ITPR1: variants seen among roughly 807,000 people sequenced by gnomAD.
ITPR1 encodes the protein inositol 1,4,5-trisphosphate receptor type 1, also known as inositol 1,4,5-trisphosphate-gated calcium channel ITPR1.
In ITPR1, 96 loss-of-function variants were observed where a neutral mutation model predicts 318.4. The observed-to-expected ratio is 0.30, with a 90% CI of 0.26 to 0.36. The LOEUF is 0.36. Among genes scored for constraint, ITPR1 ranks in the 10% least tolerant of loss-of-function variants. ITPR1 has a pLI of 1.00. For missense variants in ITPR1, 2,440 were observed against 3,460.2 expected (o/e 0.71, Z 7.40); for synonymous variants, 1,312 against 1,289.9 (o/e 1.02, Z -0.37).
Position 4,808,894 on chromosome 3 carries a change from G to C in ITPR1, c.7273-2371G>C, listed in dbSNP as rs114054563. ...CCACAAAGACTGGCCGGACCTGGTC[G>C]TGAGCCTGCATTAAAGCTGTGTCCT... On this transcript the variant is annotated intron_variant, in intron 55 of 61. Transcript: ENST00000649015. Among the ~76,000 whole-genome samples, 1,458 of 152,240 alleles carry C rather than the reference G, an allele frequency of 9.6e-3. 14 individuals carry two copies. The highest frequency in any genetic ancestry group is 0.015 in the Non-Finnish European group (1,035 of 68,010).
chr3:4,550,108 T>C (rs992204475), intron 4 of ITPR1, among the ~76,000 whole-genome samples: 3 of 152,168 alleles, frequency 2.0e-5, no homozygotes, highest in African/African-American at 7.2e-5. Flanking sequence ...TCCCCTGTCA[T>C]TATTAGCAAG....
chr3:4,668,850 G>A (rs1222480107), intron 18 of ITPR1, among the ~76,000 whole-genome samples: 1 of 152,212 alleles, frequency 6.6e-6, no homozygotes, highest in Non-Finnish European at 1.5e-5. Context: ...AAGTTCAGTT[G>A]TTGGTTGAGC....
chr3:4,688,464 T>G, intron 30 of ITPR1, 31 bp from the exon 31 acceptor site: 3 of 1,610,782 alleles, frequency 1.9e-6, no homozygotes, highest in Non-Finnish European at 2.5e-6. Context: ...GGCCCAGCAA[T>G]CAGTGCTTTC....
At chr3:4,740,511 C>T (rs1374640843) in intron 44 of ITPR1, among the ~76,000 whole-genome samples, 4 of 152,184 alleles carry the variant, frequency 2.6e-5, no homozygotes, top group Non-Finnish European at 4.4e-5. Context: ...TAGGCACTCT[C>T]ATGGAGGGTT....
At chr3:4,759,203 CA>C (rs1171523647) in intron 44 of ITPR1, among the ~76,000 whole-genome samples, 18 of 152,372 alleles carry the variant, frequency 1.2e-4, no homozygotes, top group African/African-American at 2.2e-4. Context: ...TCGTCATAAC[CA>C]CGCTCCATGG....
At chr3:4,653,810 G>T in intron 11 of ITPR1, 32 bp from the exon 12 acceptor site, 1 of 1,569,054 alleles carries the variant, frequency 6.4e-7, no homozygotes, top group Non-Finnish European at 8.7e-7. Context: ...AGCAATGGAT[G>T]TTTTAATTTC....
intron 42 of ITPR1, among the ~76,000 whole-genome samples, chr3:4,731,732 T>C (rs922945994): frequency 6.6e-6 from 1 of 152,208 alleles, no homozygotes; most frequent in Non-Finnish European, 1.5e-5. Context: ...TCTCCTTTCC[T>C]CCTTGGTCCC....
At chr3:4,709,172 G>A (rs1315179183) in intron 37 of ITPR1, among the ~76,000 whole-genome samples, 1 of 152,184 alleles carries the variant, frequency 6.6e-6, no homozygotes, top group Non-Finnish European at 1.5e-5. Context: ...AAGAGCCTCA[G>A]AATTTTGCAG....
chr3:4,819,152 T>G (rs1009503221), intron 60 of ITPR1, among the ~76,000 whole-genome samples: 1 of 152,246 alleles, frequency 6.6e-6, no homozygotes, highest in Non-Finnish European at 1.5e-5. Context: ...AAGTCAGGTC[T>G]GTTCAGATAA....
At chr3:4,617,743 G>T (rs1292747037) in intron 4 of ITPR1, among the ~76,000 whole-genome samples, 1 of 152,082 alleles carries the variant, frequency 6.6e-6, no homozygotes, top group Non-Finnish European at 1.5e-5. Flanking sequence ...CAGCACTTTG[G>T]GAGGCCAAGG....
chr3:4,671,409 A>G (rs3792489), intron 20 of ITPR1: 101,755 of 152,686 alleles, frequency 0.67, 34,257 homozygotes, highest in Admixed American at 0.7. Context: ...GTATCTTTCT[A>G]TAACTACACA....
chr3:4,821,114 C>T lies in ITPR1; in HGVS notation c.8028+2872C>T, dbSNP rs1280870856. ...CAACCCCAGGAGGCTGTAGCTACTC[C>T]AGCGTGGAGGACAGAGAAGGGACAG... On this transcript the variant is annotated intron_variant, in intron 60 of 61. Coordinates refer to ENST00000649015, the MANE Select transcript of ITPR1 (RefSeq NM_001378452.1). Among the ~76,000 whole-genome samples the T allele has an allele frequency of 2.6e-5, 4 of 152,236 alleles. No homozygotes were observed. In the East Asian group the frequency reaches 7.7e-4, roughly 29 times the overall value.
At position 4,647,793 on chromosome 3, in the gene ITPR1, G is replaced by A. The variant is rs548435723; in HGVS notation, c.855+2065G>A. Among the ~76,000 whole-genome samples the A allele has an allele frequency of 4.6e-5, 7 of 152,276 alleles. No individual in the cohort carries two copies. In the East Asian group the frequency reaches 1.4e-3, roughly 29 times the overall value. On this transcript the variant is annotated intron_variant, in intron 10 of 61. Transcript: ENST00000649015. ...ATCTGTGTAGCTTCTCTGGTGAAAT[G>A]TTTGTTCAGATAGTTTGCCCATTTA...
At chr3:4,745,979 C>T (rs2044078454) in intron 44 of ITPR1, among the ~76,000 whole-genome samples, 1 of 152,198 alleles carries the variant, frequency 6.6e-6, no homozygotes, top group African/African-American at 2.4e-5. Flanking sequence ...GGGAGTTTAA[C>T]CATTGTTAGG....
chr3:4,517,543 A>G lies in ITPR1; in HGVS notation c.92+960A>G, dbSNP rs73807273. 6.0e-3 allele frequency among the ~76,000 whole-genome samples: 911 copies of G among 152,320 alleles called. 8 individuals carry two copies. The highest frequency in any genetic ancestry group is 0.021 in the African/African-American group (882 of 41,568). On this transcript the variant is annotated intron_variant, in intron 3 of 61. Transcript: ENST00000649015. ...CCTAGGCTCTCATGCAGGTTACTCC[A>G]CACTCAGGGAGCAAATTATTATAGA... is the stretch of plus-strand genomic sequence containing the variant.
chr3:4,700,751 G>T (rs78485956), intron 35 of ITPR1, among the ~76,000 whole-genome samples: 2 of 152,106 alleles, frequency 1.3e-5, no homozygotes, highest in African/African-American at 4.8e-5. Context: ...AGACATACCC[G>T]ATACTGGGCA....
intron 4 of ITPR1, among the ~76,000 whole-genome samples, chr3:4,583,980 C>T (rs552718218): frequency 1.5e-4 from 23 of 152,316 alleles, no homozygotes; most frequent in Non-Finnish European, 2.8e-4. Context: ...ATGGCTTTCT[C>T]GCTTTTCCCA....
intron 39 of ITPR1, 99 bp downstream of exon 39, chr3:4,711,967 G>A: frequency 3.8e-6 from 2 of 528,114 alleles, no homozygotes; most frequent in East Asian, 3.1e-5. Context: ...ACTGACTGAG[G>A]GGCTAGCTTT....
chr3:4,701,679 A>G (rs555509042), intron 35 of ITPR1, among the ~76,000 whole-genome samples: 1 of 152,070 alleles, frequency 6.6e-6, no homozygotes, highest in Non-Finnish European at 1.5e-5. Context: ...TCTTTTGGAT[A>G]ATTTCTTTTA....
Sources: gnomAD v4.1 joint callset for allele counts (sites outside exome capture counted in the v4.1 genomes callset) on GRCh38, gnomAD v4.1.1 for gene constraint, MANE v1.5 for transcripts, NCBI Gene and HGNC (gene_info 2026-07-23, HGNC 2026-07-21) for gene names.